BIRC3: variants seen among roughly 807,000 people sequenced by gnomAD.
BIRC3 encodes baculoviral IAP repeat containing 3.
A neutral mutation model predicts 59.0 loss-of-function variants in BIRC3; 26 were observed. The observed-to-expected ratio is 0.44, with a 90% confidence interval of 0.32 to 0.61. The LOEUF (loss-of-function observed/expected upper bound fraction) is 0.61. Among genes scored for constraint, BIRC3 ranks in the 20% least tolerant of loss-of-function variants. BIRC3 has a pLI of 0.04. For synonymous variants in BIRC3, 243 were observed against 249.2 expected (o/e 0.98, Z 0.24); for missense variants, 641 against 711.5 (o/e 0.90, Z 1.13).
chr11:102,336,839 G>A, intron 8 of BIRC3, 38 bp downstream of exon 8: 1 of 1,585,538 alleles, frequency 6.3e-7, no homozygotes. Flanking sequence ...AGAGAACATT[G>A]TCTTTATTTT....
chr11:102,325,751 A>C (rs973319987), intron 3 of BIRC3, among the ~76,000 whole-genome samples, 186 bp downstream of exon 3: 1 of 152,096 alleles, frequency 6.6e-6, no homozygotes, highest in Non-Finnish European at 1.5e-5. Context: ...ACGAAGAAAT[A>C]GATTTGGGGA....
At chr11:102,321,482 G>A (rs778391596) in intron 1 of BIRC3, among the ~76,000 whole-genome samples, 1 of 152,158 alleles carries the variant, frequency 6.6e-6, no homozygotes, top group Non-Finnish European at 1.5e-5. Context: ...AGCCTCCGGA[G>A]TAGCTGGGAT....
In BIRC3 at chr11:102,328,102, A is replaced by C; in HGVS notation, c.1004A>C (p.Gln335Pro). Reference protein sequence around the residue: ...IKGQEFIRQVQASYPHLLEQL... With the variant: ...IKGQEFIRQVPASYPHLLEQL... ...GGACAGGAGTTCATCCGTCAAGTTCAAGCCAGTTACCCTCATCTACTTGAA... is the reference window on the plus strand; with the variant it reads ...GGACAGGAGTTCATCCGTCAAGTTCCAGCCAGTTACCCTCATCTACTTGAA... Residue 335 changes from glutamine (Q) to proline (P), a missense_variant, in exon 4 of 9, where the codon CAA (glutamine) becomes CCA (proline). Physicochemically the swap from Gln to Pro is moderately conservative, Grantham distance 76 (BLOSUM62 -1). Transcript: ENST00000263464. 6.2e-7 allele frequency: 1 copy of C among 1,609,852 alleles called. No homozygotes were observed. The highest frequency in any genetic ancestry group is 8.5e-7 in the Non-Finnish European group (1 of 1,178,780).
intron 7 of BIRC3, 77 bp downstream of exon 7, chr11:102,336,297 T>A: frequency 7.0e-7 from 1 of 1,421,302 alleles, no homozygotes; most frequent in Non-Finnish European, 9.4e-7. Flanking sequence ...TTATGACTAC[T>A]GAAAATAATT....
intron 6 of BIRC3, 146 bp downstream of exon 6, chr11:102,331,387 T>G: frequency 1.2e-6 from 1 of 855,394 alleles, no homozygotes; most frequent in Non-Finnish European, 1.6e-6. Flanking sequence ...ATTCAAATGC[T>G]GAAAAATTTA....
chr11:102,331,340 C>A, intron 6 of BIRC3, 99 bp downstream of exon 6: 1 of 1,219,290 alleles, frequency 8.2e-7, no homozygotes, highest in Non-Finnish European at 1.1e-6. Flanking sequence ...AAAATATACT[C>A]AATCCAGTCA....
rs535594517 is a variant in BIRC3, at chr11:102,321,129, T to C, written c.-2673-708T>C. Among the ~76,000 whole-genome samples, 4 of 152,356 alleles carry C rather than the reference T, an allele frequency of 2.6e-5. No individual in the cohort carries two copies. In the South Asian group the frequency reaches 8.3e-4, roughly 32 times the overall value. The stretch of plus-strand genomic sequence containing the variant: ...GAGGCATGCAGATTAATCTACAGCA[T>C]GGTACAATGTGAATTTTCTGGTTTC... On this transcript the variant is annotated intron_variant, in intron 1 of 8. Transcript: ENST00000263464.
intron 6 of BIRC3, among the ~76,000 whole-genome samples, chr11:102,334,751 C>T (rs1248717847): frequency 2.6e-5 from 4 of 151,918 alleles, no homozygotes; most frequent in Admixed American, 6.6e-5. Context: ...AATGTTTTAC[C>T]AATGGATACA....
Position 102,336,205 on chromosome 11 carries a change from T to C in BIRC3, c.1564T>C (p.Tyr522His), listed in dbSNP as rs773670994. 3 of 1,595,926 alleles carry C rather than the reference T, an allele frequency of 1.9e-6. No homozygotes were observed. The highest frequency in any genetic ancestry group is 2.2e-5 in the East Asian group (1 of 44,620). The change falls in exon 7 of 9, where the codon TAT (tyrosine) becomes CAT (histidine). Residue 522 changes from tyrosine to histidine, a missense_variant. Tyr to His is a moderately conservative substitution (Grantham distance 83). This residue lies in a region of BIRC3 where 268 missense variants were observed against 255.7 expected (regional missense o/e 1.05). Coordinates refer to ENST00000263464, the MANE Select transcript of BIRC3 (RefSeq NM_001165.5). ...TCTGCAAGAAGCTGAAGCTGTGTTA[T>C]ATGAGCATTTATTTGGTGAGTGATA... ...NSLQEAEAVL[Y>H]EHLFVQQDIK...
Position 102,322,429 on chromosome 11 carries a change from G to A in BIRC3, c.-2081G>A, listed in dbSNP as rs1164170000. The A allele has an allele frequency of 4.8e-6, 1 of 207,030 alleles. No individual in the cohort carries two copies. Among genetic ancestry groups the A allele is most frequent in the African/African-American group, 2.3e-5 (1 of 43,948 alleles). 12.8% of individuals were successfully genotyped at this position (207,030 alleles called of 1,614,324 possible). A position where few individuals can be genotyped will look rare whatever the true frequency, so the allele number is the denominator to read the frequency against. On this transcript the variant is annotated 5_prime_UTR_variant, in exon 2 of 9. Transcript: ENST00000263464. The stretch of plus-strand genomic sequence containing the variant: ...CAAGAAATTATCCAGTTATTTACAA[G>A]GCCACTGATATTTTAAACGTCCAAA...
rs751631407 is a variant in BIRC3 at position 102,325,097 on chromosome 11, C to T, written c.588C>T (p.Tyr196=). ...PTDLAKAGFY[Y]IGPGDRVACF... ...ATCTGGCAAAAGCAGGCTTTTACTA[C>T]ATAGGACCTGGAGACAGAGTGGCTT... Residue 196 remains tyrosine, a synonymous_variant, in exon 2 of 9, where the codon TAC becomes TAT. Coordinates refer to ENST00000263464, the MANE Select transcript of BIRC3 (RefSeq NM_001165.5). 2 of 1,614,224 alleles carry T rather than the reference C, an allele frequency of 1.2e-6. No homozygotes were observed. The highest frequency in any genetic ancestry group is 2.2e-5 in the South Asian group (2 of 91,086).
chr11:102,335,955 T>G lies in BIRC3; in HGVS notation c.1325-11T>G. On this transcript the variant is annotated splice_polypyrimidine_tract_variant and intron_variant, in intron 6 of 8. Coordinates refer to ENST00000263464, the MANE Select transcript of BIRC3 (RefSeq NM_001165.5). ...TTGAACATGTTTATGCTTGTTTTCT[T>G]TTTTATAAAGATGATTTATTATTAA... 6.3e-7 allele frequency: 1 copy of G among 1,599,104 alleles called. No homozygotes were observed. Among genetic ancestry groups the G allele is most frequent in the Non-Finnish European group, 8.5e-7 (1 of 1,173,924 alleles).
chr11:102,331,561 G>A (rs1951139341), intron 6 of BIRC3, among the ~76,000 whole-genome samples: 1 of 151,824 alleles, frequency 6.6e-6, no homozygotes, highest in Non-Finnish European at 1.5e-5. Context: ...CTTTGAAAAT[G>A]GAATCCTTGT....
intron 7 of BIRC3, 36 bp from the exon 8 acceptor site, chr11:102,336,720 CTTAT>C: frequency 6.4e-7 from 1 of 1,567,216 alleles, no homozygotes; most frequent in Non-Finnish European, 8.7e-7. Flanking sequence ...AAATATTAAC[CTTAT>C]TTGTCATAGT....
intron 6 of BIRC3, among the ~76,000 whole-genome samples, chr11:102,333,550 CAG>C (rs1951166236): frequency 6.8e-6 from 1 of 146,576 alleles, no homozygotes; most frequent in African/African-American, 2.5e-5. Context: ...GCCTGGGCAA[CAG>C]AGTGAGACAC....
chr11:102,336,437 T>G (rs1005465555), intron 7 of BIRC3: 25 of 586,664 alleles, frequency 4.3e-5, no homozygotes, highest in Non-Finnish European at 5.7e-5. Context: ...ACAAAAAATT[T>G]TTAAAACAAA....
In BIRC3 at chr11:102,324,805, T is replaced by G; in HGVS notation, c.296T>G (p.Leu99Arg). Residue 99 changes from leucine (L) to arginine (R), a missense_variant, in exon 2 of 9, where the codon CTA becomes CGA. Coordinates refer to ENST00000263464, the MANE Select transcript of BIRC3 (RefSeq NM_001165.5). The stretch of plus-strand genomic sequence containing the variant: ...CCTAGCTGCAGATTCGTTCAGAGTC[T>G]AAATTCCGTTAACAACTTGGAAGCT... ...LYPSCRFVQS[L>R]NSVNNLEATS... 6.2e-7 allele frequency: 1 copy of G among 1,614,228 alleles called. No homozygotes were observed. Among genetic ancestry groups the G allele is most frequent in the Non-Finnish European group, 8.5e-7 (1 of 1,180,030 alleles).
At chr11:102,330,689 A>C (rs915032783) in intron 5 of BIRC3, among the ~76,000 whole-genome samples, 1 of 152,214 alleles carries the variant, frequency 6.6e-6, no homozygotes, top group Non-Finnish European at 1.5e-5. Flanking sequence ...ATAGGGAAAA[A>C]TAATCTCAAT....
chr11:102,334,201 C>G (rs1951173671), intron 6 of BIRC3, among the ~76,000 whole-genome samples: 1 of 152,122 alleles, frequency 6.6e-6, no homozygotes, highest in Non-Finnish European at 1.5e-5. Flanking sequence ...TAATATATCC[C>G]TACTTTGCTA....
Sources: gnomAD v4.1 joint callset for allele counts (sites outside exome capture counted in the v4.1 genomes callset) on GRCh38, gnomAD v4.1.1 for gene constraint, gnomAD v4.1.1 regional missense constraint, MANE v1.5 for transcripts, NCBI Gene and HGNC (gene_info 2026-07-23, HGNC 2026-07-21) for gene names.